TAFA4: variants seen among roughly 807,000 people sequenced by gnomAD.
TAFA4 encodes the protein TAFA chemokine like family member 4.
TAFA4 carries 20 observed loss-of-function variants against 21.1 expected under a neutral mutation model. The observed-to-expected ratio is 0.95, with a 90% confidence interval of 0.67 to 1.38. The LOEUF (loss-of-function observed/expected upper bound fraction) is 1.38. Among genes scored for constraint, TAFA4 ranks in the 40% most tolerant of loss-of-function variants. The pLI is 0.00. For missense variants in TAFA4, 211 were observed against 180.9 expected (o/e 1.17, Z -0.95); for synonymous variants, 71 against 67.4 (o/e 1.05, Z -0.26).
At chr3:68,838,570 T>C (rs1704577653) in intron 3 of TAFA4, among the ~76,000 whole-genome samples, 1 of 152,210 alleles carries the variant, frequency 6.6e-6, no homozygotes, top group Admixed American at 6.5e-5. Flanking sequence ...AGCAGACATT[T>C]TCTGTGAAGG....
At chr3:68,893,547 A>G (rs890725854) in intron 1 of TAFA4, among the ~76,000 whole-genome samples, 9 of 152,240 alleles carry the variant, frequency 5.9e-5, no homozygotes, top group African/African-American at 1.9e-4. Flanking sequence ...ATCTGTAAAC[A>G]AATACAGTTT....
chr3:68,860,193 G>C (rs1439456517), intron 3 of TAFA4, among the ~76,000 whole-genome samples: 1 of 152,076 alleles, frequency 6.6e-6, no homozygotes, highest in Non-Finnish European at 1.5e-5. Context: ...TGTGTCATTA[G>C]TGTATCAATT....
chr3:68,874,830 T>G (rs1442562051), intron 3 of TAFA4, among the ~76,000 whole-genome samples: 1 of 152,010 alleles, frequency 6.6e-6, no homozygotes, highest in African/African-American at 2.4e-5. Context: ...GCATGCTCAT[T>G]TGTCAGACAT....
chr3:68,886,430 C>T (rs959384564), intron 1 of TAFA4, among the ~76,000 whole-genome samples: 3 of 152,172 alleles, frequency 2.0e-5, no homozygotes, highest in East Asian at 1.9e-4. Context: ...TTTGTCCTTA[C>T]GTCCACCCAA....
chr3:68,733,242 G>C (rs970433392), intron 5 of TAFA4, 89 bp from the exon 6 acceptor site: 3 of 1,493,864 alleles, frequency 2.0e-6, no homozygotes, highest in Non-Finnish European at 2.7e-6. Context: ...GGTCCTGACT[G>C]TGAATACTTT....
intron 3 of TAFA4, among the ~76,000 whole-genome samples, chr3:68,756,897 C>A (rs1430660871): frequency 1.3e-5 from 2 of 152,094 alleles, no homozygotes; most frequent in African/African-American, 4.8e-5. Flanking sequence ...ACTGAGTGAG[C>A]AGAAAAGTAA....
intron 3 of TAFA4, among the ~76,000 whole-genome samples, chr3:68,798,764 G>GT (rs1446067786): frequency 6.6e-6 from 1 of 151,988 alleles, no homozygotes; most frequent in Non-Finnish European, 1.5e-5. Context: ...TTGTAAAACT[G>GT]TTTTTTACTA....
intron 1 of TAFA4, among the ~76,000 whole-genome samples, chr3:68,909,603 G>A (rs1006316053): frequency 6.6e-6 from 1 of 152,176 alleles, no homozygotes; most frequent in African/African-American, 2.4e-5. Context: ...GGATACTATG[G>A]AAGATCCAGG....
chr3:68,800,097 T>A (rs534785480), intron 3 of TAFA4, among the ~76,000 whole-genome samples: 1 of 152,314 alleles, frequency 6.6e-6, no homozygotes, highest in South Asian at 2.1e-4. Context: ...GATTCTGCAT[T>A]ATGGTGAGTT....
intron 3 of TAFA4, among the ~76,000 whole-genome samples, chr3:68,879,474 C>G (rs1272608031): frequency 1.3e-5 from 2 of 152,132 alleles, no homozygotes; most frequent in Non-Finnish European, 2.9e-5. Context: ...TAATCTGACT[C>G]TTAAACTCCA....
intron 3 of TAFA4, among the ~76,000 whole-genome samples, chr3:68,784,549 T>C (rs1365257904): frequency 2.0e-5 from 3 of 152,144 alleles, no homozygotes; most frequent in Admixed American, 6.5e-5. Context: ...AGTGGGTTTG[T>C]GGTCTCGCTG....
intron 3 of TAFA4, among the ~76,000 whole-genome samples, chr3:68,760,760 T>G (rs1422793514): frequency 6.6e-6 from 1 of 152,228 alleles, no homozygotes; most frequent in Non-Finnish European, 1.5e-5. Context: ...GTTGCAGTTC[T>G]CTAGTAATTC....
At chr3:68,783,711 GAAAA>G (rs374200766) in intron 3 of TAFA4, among the ~76,000 whole-genome samples, 11 of 55,618 alleles carry the variant, frequency 2.0e-4, no homozygotes, top group Non-Finnish European at 2.6e-4. Flanking sequence ...GAGAGAGAAA[GAAAA>G]AGAAAGAAAG....
In TAFA4 at chr3:68,759,537, G is replaced by A. The variant is rs530455223; in HGVS notation, c.131-6519C>T. ...CTTGTTCAATAAGCCTGGTACCAGA[G>A]AGTGGCCACTTCAAGTAAATTCACT... is the stretch of plus-strand genomic sequence containing the variant. On this transcript the variant is annotated intron_variant, in intron 3 of 5. Transcript: ENST00000295569. Among the ~76,000 whole-genome samples the A allele has an allele frequency of 2.0e-5, 3 of 152,284 alleles. No homozygotes were observed. The South Asian group carries it at 6.2e-4, about 32-fold the overall frequency.
chr3:68,880,166 C>T (rs1033017053), intron 3 of TAFA4, among the ~76,000 whole-genome samples: 2 of 151,850 alleles, frequency 1.3e-5, no homozygotes, highest in Non-Finnish European at 2.9e-5. Flanking sequence ...TAGAAGTTAT[C>T]AGAATGACTG....
chr3:68,931,320 T>TA (rs1371194542), intron 1 of TAFA4, among the ~76,000 whole-genome samples: 2 of 152,064 alleles, frequency 1.3e-5, no homozygotes, highest in South Asian at 4.2e-4. Flanking sequence ...AGGCTAGGTC[T>TA]CGGCGAGTCC....
intron 2 of TAFA4, among the ~76,000 whole-genome samples, chr3:68,881,243 C>T (rs1461574413): frequency 6.6e-6 from 1 of 152,162 alleles, no homozygotes; most frequent in African/African-American, 2.4e-5. Context: ...AGATTTTGCA[C>T]ATGTGGTCCA....
At chr3:68,861,577 C>A (rs1381736617) in intron 3 of TAFA4, among the ~76,000 whole-genome samples, 1 of 151,778 alleles carries the variant, frequency 6.6e-6, no homozygotes, top group African/African-American at 2.4e-5. Context: ...ATGCATGGAC[C>A]CATGTAGTCA....
intron 3 of TAFA4, among the ~76,000 whole-genome samples, chr3:68,831,408 CT>C (rs1704388666): frequency 6.6e-6 from 1 of 152,134 alleles, no homozygotes; most frequent in Admixed American, 6.6e-5. Flanking sequence ...TGAGCATTTG[CT>C]TGTCTGTAAA....
Sources: gnomAD v4.1 joint callset for allele counts (sites outside exome capture counted in the v4.1 genomes callset) on GRCh38, gnomAD v4.1.1 for gene constraint, MANE v1.5 for transcripts, NCBI Gene and HGNC (gene_info 2026-07-23, HGNC 2026-07-21) for gene names.